Variants in CLASRP observed in about 807,000 individuals in gnomAD.
CLASRP encodes the protein CLK4-associating serine/arginine rich protein.
CLASRP carries 52 observed loss-of-function variants against 99.9 expected under a neutral mutation model. The observed-to-expected ratio is 0.52, with a 90% CI of 0.42 to 0.66. The LOEUF (loss-of-function observed/expected upper bound fraction) is 0.66. CLASRP is among the 30% of genes least tolerant of loss of function. The pLI is 0.00. For synonymous variants in CLASRP, 379 were observed against 373.0 expected (o/e 1.02, Z -0.18); for missense variants, 848 against 999.2 (o/e 0.85, Z 2.04).
At position 45,067,975 on chromosome 19, in the gene CLASRP, C is replaced by T; in HGVS notation, c.1668-40C>T. 2.0e-6 allele frequency: 3 copies of T among 1,500,020 alleles called. No homozygotes were observed. The highest frequency in any genetic ancestry group is 2.8e-6 in the Non-Finnish European group (3 of 1,076,394). 92.9% of individuals were successfully genotyped at this position (1,500,020 alleles called of 1,614,324 possible). ...GGGTCAGAGGTGGCAGCTGCCCTTT[C>T]CCCCTCCCAACCATGTCCTCTGGCC... On this transcript the variant is annotated intron_variant, in intron 14 of 20. Coordinates refer to ENST00000221455, the MANE Select transcript of CLASRP (RefSeq NM_007056.3). This position sits in a 1 kb window ranked among gnomAD's most constrained non-coding sequence, Gnocchi z 4.9.
intron 2 of CLASRP, among the ~76,000 whole-genome samples, chr19:45,048,346 C>T (rs1291932103): frequency 1.3e-5 from 2 of 150,384 alleles, no homozygotes; most frequent in Non-Finnish European, 3.0e-5. Context: ...ACCAGCCTGG[C>T]CAACATGGTG....
chr19:45,065,006 C>T (rs1967051289), intron 13 of CLASRP, among the ~76,000 whole-genome samples: 1 of 151,732 alleles, frequency 6.6e-6, no homozygotes, highest in South Asian at 2.1e-4. Context: ...CGGGTCCGGG[C>T]CTTGAGGGCT....
At chr19:45,063,892 C>T in intron 11 of CLASRP, 120 bp from the exon 12 acceptor site, 3 of 1,409,252 alleles carry the variant, frequency 2.1e-6, no homozygotes, top group South Asian at 1.4e-5. Context: ...CTCCATCCAC[C>T]CGCCTGGTTT....
chr19:45,068,399 C>T (rs1214231334), intron 15 of CLASRP, 21 bp from the exon 16 acceptor site: 1 of 1,529,128 alleles, frequency 6.5e-7, no homozygotes. Context: ...CCCTCTCCCG[C>T]CTCTTCTCCC....
intron 2 of CLASRP, among the ~76,000 whole-genome samples, chr19:45,045,999 A>T (rs1400293792): frequency 6.6e-6 from 1 of 152,100 alleles, no homozygotes; most frequent in Non-Finnish European, 1.5e-5. Flanking sequence ...TCACTGGATA[A>T]TGGGGAAGAG....
At chr19:45,058,172 C>A (rs1972157528) in intron 7 of CLASRP, 2 of 469,064 alleles carry the variant, frequency 4.3e-6, no homozygotes, top group East Asian at 3.8e-5. Flanking sequence ...CTTGGGCCGG[C>A]CTCTCTCTGC....
Position 45,039,964 on chromosome 19 carries a change from A to C in CLASRP, c.-29-220A>C, listed in dbSNP as rs1049310022. 5 of 380,002 alleles carry C rather than the reference A, an allele frequency of 1.3e-5. No individual in the cohort carries two copies. The South Asian group carries it at 1.5e-4, about 11-fold the overall frequency. The allele number at this position is 380,002 out of a possible 1,614,324, so 23.5% of individuals were successfully genotyped here. On this transcript the variant is annotated intron_variant, in intron 1 of 20. Coordinates refer to ENST00000221455, the MANE Select transcript of CLASRP (RefSeq NM_007056.3). ...CTTTCCCAGTGATGCTCACCTCAGA[A>C]TCACCTGAGGGTTTTTCAGAATGCC... is the stretch of plus-strand genomic sequence containing the variant.
rs767500534 is a variant in CLASRP, at chr19:45,064,205, C to T, written c.1099C>T (p.Pro367Ser). 7.5e-6 allele frequency: 12 copies of T among 1,600,616 alleles called. No individual in the cohort carries two copies. The highest frequency in any genetic ancestry group is 6.0e-6 in the Non-Finnish European group (7 of 1,174,850). ...ACCTCCCCAGCCTGGCGGCCCCGCC[C>T]CGGGACGTAATGCCAGCGCCCGGTC... is the stretch of plus-strand genomic sequence containing the variant. Reference protein sequence around the residue: ...PAPPQPGGPAPGRNASARRRS... With the variant: ...PAPPQPGGPASGRNASARRRS... The change falls in exon 12 of 21, where the codon CCG (proline) becomes TCG (serine). Residue 367 changes from proline to serine, a missense_variant. By Grantham distance (74) the Pro-to-Ser change is moderately conservative. Transcript: ENST00000221455.
chr19:45,070,413 C>G, intron 19 of CLASRP, 124 bp from the exon 20 acceptor site: 1 of 881,090 alleles, frequency 1.1e-6, no homozygotes, highest in Non-Finnish European at 1.9e-6. Flanking sequence ...ACTGGACTCT[C>G]TGGAAATGTC....
intron 13 of CLASRP, among the ~76,000 whole-genome samples, chr19:45,066,842 C>T (rs909154475): frequency 3.9e-5 from 6 of 151,950 alleles, no homozygotes; most frequent in Non-Finnish European, 5.9e-5. Flanking sequence ...GATGGGGTTC[C>T]GCATCCCCAG....
chr19:45,055,927 C>G (rs1365746319), intron 5 of CLASRP, among the ~76,000 whole-genome samples: 1 of 152,168 alleles, frequency 6.6e-6, no homozygotes, highest in Non-Finnish European at 1.5e-5. Context: ...GGACACGTGT[C>G]TCACTGCAGG....
intron 13 of CLASRP, among the ~76,000 whole-genome samples, chr19:45,065,279 A>G (rs1461005089): frequency 1.3e-5 from 2 of 151,814 alleles, no homozygotes; most frequent in Non-Finnish European, 2.9e-5. Context: ...AGTCCCAGCT[A>G]CTTGAGAGGC....
At chr19:45,051,501 G>A (rs1290798097) in intron 2 of CLASRP, among the ~76,000 whole-genome samples, 1 of 151,662 alleles carries the variant, frequency 6.6e-6, no homozygotes, top group Non-Finnish European at 1.5e-5. Context: ...TTTTAGTAGA[G>A]CCTGGGTTTC....
rs765527653 is a variant in CLASRP, at chr19:45,067,372, G to A, written c.1445G>A (p.Gly482Asp). The A allele has an allele frequency of 6.5e-6, 10 of 1,527,562 alleles. No homozygotes were observed. Among genetic ancestry groups the A allele is most frequent in the Middle Eastern group, 2.2e-4 (1 of 4,454 alleles). The allele number at this position is 1,527,562 out of a possible 1,614,324, so 94.6% of individuals were successfully genotyped here. A position where few individuals can be genotyped will look rare whatever the true frequency, so the allele number is the denominator to read the frequency against. Residue 482 changes from glycine (G) to aspartate (D), a missense_variant, in exon 14 of 21, where the codon GGC becomes GAC. Gly to Asp is a moderately conservative substitution (Grantham distance 94). Around this residue, in one of 8 missense-constraint regions of CLASRP, gnomAD observed 489 missense variants for 434.7 expected, o/e 1.12. Transcript: ENST00000221455. The surrounding 1 kb of genome is among the most constrained non-coding windows in gnomAD (Gnocchi z 4.9). ...RSHSGDRYRR[G>D]GRGLRHHSSS... is the part of the protein sequence containing the mutation. ...CACTCAGGGGACCGCTACAGGCGGG[G>A]CGGCCGGGGCCTCAGGCACCACAGC...
At chr19:45,053,557 C>CA (rs1417146555) in intron 5 of CLASRP, among the ~76,000 whole-genome samples, 2 of 152,164 alleles carry the variant, frequency 1.3e-5, no homozygotes, top group Non-Finnish European at 2.9e-5. Context: ...CAGCTCACTG[C>CA]AACCTCTGCC....
intron 10 of CLASRP, 150 bp from the exon 11 acceptor site, chr19:45,062,004 G>T: frequency 3.1e-6 from 2 of 645,552 alleles, no homozygotes; most frequent in East Asian, 2.6e-5. Context: ...GTGGGTGGAG[G>T]AATTAAGGGG....
At chr19:45,065,690 G>A (rs1967070659) in intron 13 of CLASRP, among the ~76,000 whole-genome samples, 3 of 152,102 alleles carry the variant, frequency 2.0e-5, no homozygotes, top group African/African-American at 7.3e-5. Flanking sequence ...GCCTGTTGGG[G>A]TCAGGGCTGC....
chr19:45,059,301 AGCAGGTG>A lies in CLASRP; in HGVS notation c.652_658del (p.Val218IlefsTer60). 1 of 1,610,200 alleles carries A rather than the reference AGCAGGTG, an allele frequency of 6.2e-7. No homozygotes were observed. The highest frequency in any genetic ancestry group is 8.5e-7 in the Non-Finnish European group (1 of 1,178,208). On this transcript the variant is annotated frameshift_variant, in exon 8 of 21. Coordinates refer to ENST00000221455, the MANE Select transcript of CLASRP (RefSeq NM_007056.3). LOFTEE classifies it high-confidence loss of function. ...GTGGACGTGGATGAATTGAACCAGG[AGCAGGTG>A]GCAGATCTCAACAAACAGGCCACGA...
intron 15 of CLASRP, 66 bp from the exon 16 acceptor site, chr19:45,068,354 C>T: frequency 3.9e-6 from 2 of 510,706 alleles, no homozygotes; most frequent in Non-Finnish European, 7.7e-6. Flanking sequence ...AGGCTTTTGG[C>T]TGAGGTGGGT....
Sources: gnomAD v4.1 joint callset for allele counts (sites outside exome capture counted in the v4.1 genomes callset) on GRCh38, gnomAD v4.1.1 for gene constraint, gnomAD v4.1.1 regional missense constraint, Gnocchi (gnomAD v3.1) non-coding constraint, MANE v1.5 for transcripts, NCBI Gene and HGNC (gene_info 2026-07-23, HGNC 2026-07-21) for gene names.